The following MTNAP1 variants were observed in gnomAD, a reference collection of about 807,000 sequenced individuals.
MTNAP1 encodes the protein mitochondrial nucleoid-associated protein 1.
the MTNAP1 span, chr17:73,236,792 G>A: frequency 6.8e-5 from 110 of 1,614,018 alleles, no homozygotes; most frequent in African/African-American, 4.7e-4. Flanking sequence ...TCAGCCCAGC[G>A]TCACACTCCT....
the MTNAP1 span, among the ~76,000 whole-genome samples, chr17:73,237,172 C>T: frequency 6.6e-6 from 1 of 152,188 alleles, no homozygotes; most frequent in Non-Finnish European, 1.5e-5. Context: ...TGGCTCACAC[C>T]TGTAATCTAA....
At chr17:73,247,391 C>T in the MTNAP1 span, 1 of 1,590,250 alleles carries the variant, frequency 6.3e-7, no homozygotes, top group Non-Finnish European at 8.6e-7. Context: ...CTAGTGCCTT[C>T]GTGCCCTGTG....
At chr17:73,241,318 C>T in the MTNAP1 span, among the ~76,000 whole-genome samples, 15 of 152,176 alleles carry the variant, frequency 9.9e-5, no homozygotes, top group Non-Finnish European at 1.2e-4. Flanking sequence ...CCACCACGCC[C>T]GGCTAATTTT....
chr17:73,242,415 T>C, the MTNAP1 span: 1 of 1,161,014 alleles, frequency 8.6e-7, no homozygotes, highest in African/African-American at 1.6e-5. Flanking sequence ...AAGTTTCTCT[T>C]CGGGCTGTTA....
At chr17:73,239,531 T>TCC in the MTNAP1 span, among the ~76,000 whole-genome samples, 1 of 150,696 alleles carries the variant, frequency 6.6e-6, no homozygotes, top group Non-Finnish European at 1.5e-5. Context: ...TTTTTTTTTT[T>TCC]TTCTTGAGAC....
chr17:73,245,145 C>T, the MTNAP1 span: 1 of 1,613,008 alleles, frequency 6.2e-7, no homozygotes, highest in Non-Finnish European at 8.5e-7. Flanking sequence ...CGGATCCTTA[C>T]ATTTGTCTCT....
At chr17:73,234,186 G>T in the MTNAP1 span, among the ~76,000 whole-genome samples, 10 of 152,098 alleles carry the variant, frequency 6.6e-5, no homozygotes, top group African/African-American at 2.4e-4. Context: ...GGATAGATAT[G>T]TTTCCTGCCC....
chr17:73,237,069 C>T, the MTNAP1 span: 3 of 1,333,516 alleles, frequency 2.2e-6, no homozygotes, highest in African/African-American at 1.5e-5. Flanking sequence ...TTATAAGGGT[C>T]AAAATACTAA....
At chr17:73,245,061 T>C in the MTNAP1 span, 1 of 1,078,800 alleles carries the variant, frequency 9.3e-7, no homozygotes, top group Non-Finnish European at 1.4e-6. Flanking sequence ...AATACTCTAT[T>C]TCTAAACTTA....
chr17:73,248,113 T>C, the MTNAP1 span: 2 of 216,770 alleles, frequency 9.2e-6, no homozygotes, highest in Non-Finnish European at 1.9e-5. Context: ...GGTGCAATAC[T>C]GATGTAAAGT....
At chr17:73,234,780 T>C in the MTNAP1 span, among the ~76,000 whole-genome samples, 1 of 150,786 alleles carries the variant, frequency 6.6e-6, no homozygotes, top group African/African-American at 2.5e-5. Context: ...TATCTGTGTG[T>C]GTGTGTGTGT....
chr17:73,245,434 T>C, the MTNAP1 span: 4 of 1,181,530 alleles, frequency 3.4e-6, no homozygotes, highest in Admixed American at 4.4e-5. Context: ...AACTGAGAAT[T>C]AGAGAAAAAC....
the MTNAP1 span, chr17:73,248,715 G>A: frequency 6.0e-6 from 4 of 662,336 alleles, no homozygotes; most frequent in Admixed American, 2.3e-5. Flanking sequence ...TGAATACCCC[G>A]GCTGTAACTC....
chr17:73,245,994 A>G, the MTNAP1 span, among the ~76,000 whole-genome samples: 68,392 of 151,770 alleles, frequency 0.45, 16,416 homozygotes, highest in East Asian at 0.62. Context: ...CATCTCATCA[A>G]ACTATTCAGT....
chr17:73,242,126 T>A, the MTNAP1 span: 7 of 570,026 alleles, frequency 1.2e-5, no homozygotes, highest in Non-Finnish European at 1.9e-5. Flanking sequence ...AAATCTTTAA[T>A]GCACCTGTTT....
chr17:73,235,071 A>T, the MTNAP1 span, among the ~76,000 whole-genome samples: 1 of 151,986 alleles, frequency 6.6e-6, no homozygotes. Flanking sequence ...AAATACAAAA[A>T]ATTAGTCAGG....
chr17:73,242,097 T>A, the MTNAP1 span: 1 of 491,042 alleles, frequency 2.0e-6, no homozygotes, highest in Non-Finnish European at 3.7e-6. Context: ...TTTCAACACT[T>A]AGCTGCAGTC....
chr17:73,248,371 T>C, the MTNAP1 span: 1 of 888,650 alleles, frequency 1.1e-6, no homozygotes, highest in East Asian at 2.7e-5. Flanking sequence ...TCTAACATGA[T>C]TTACCATTTT....
the MTNAP1 span, chr17:73,235,541 G>A: frequency 3.1e-6 from 5 of 1,613,952 alleles, no homozygotes; most frequent in Non-Finnish European, 4.2e-6. Flanking sequence ...CCATTTAAAC[G>A]ATTAAAATCC....
Sources: gnomAD v4.1 joint callset for allele counts (sites outside exome capture counted in the v4.1 genomes callset) on GRCh38, gnomAD v4.1.1 for gene constraint, MANE v1.5 for transcripts, NCBI Gene and HGNC (gene_info 2026-07-23, HGNC 2026-07-21) for gene names.